The following HOMER1 variants were observed in gnomAD, a reference collection of about 807,000 sequenced individuals.
HOMER1 encodes the protein homer protein homolog 1.
A neutral mutation model predicts 48.9 loss-of-function variants in HOMER1; 3 were observed. The observed-to-expected ratio is 0.06, with a 90% confidence interval of 0.03 to 0.16. The LOEUF (loss-of-function observed/expected upper bound fraction) is 0.16. Ranked by LOEUF, HOMER1 falls within the 10% of genes least tolerant of loss-of-function variation. The probability of loss-of-function intolerance (pLI) is 1.00; values close to 1 mark genes in which losing one functional copy is unlikely to be tolerated. For synonymous variants in HOMER1, 134 were observed against 146.4 expected, an observed-to-expected ratio of 0.92 and a Z score of 0.61; for missense variants, 247 against 411.4, an observed-to-expected ratio of 0.60 and a Z score of 3.46.
Position 79,451,119 on chromosome 5 carries a change from T to C in HOMER1, c.165A>G (p.Ala55=). The C allele has an allele frequency of 6.2e-7, 1 of 1,609,976 alleles. No homozygotes were observed. The highest frequency in any genetic ancestry group is 8.5e-7 in the Non-Finnish European group (1 of 1,177,084). Residue 55 remains alanine (A), a splice_region_variant and synonymous_variant, in exon 3 of 9, where the codon GCA becomes GCG. Transcript: ENST00000334082. ...YRIISLDGSK[A]IINSTITPNM... is the part of the protein sequence containing the mutation. ...TTGGGGTGATGGTACTATTTATTAT[T>C]GCCTAAAAAATAAAGCAAGTATGAG...
chr5:79,388,114 G>GA (rs577690693), intron 8 of HOMER1, among the ~76,000 whole-genome samples: 1 of 151,556 alleles, frequency 6.6e-6, no homozygotes, highest in African/African-American at 2.4e-5. Flanking sequence ...CCAGAATACT[G>GA]AAAAAAAAGT....
intron 1 of HOMER1, among the ~76,000 whole-genome samples, chr5:79,467,718 T>C (rs1419963129): frequency 1.3e-5 from 2 of 152,234 alleles, no homozygotes; most frequent in Non-Finnish European, 2.9e-5. Context: ...AGCACTTCTC[T>C]AGTTCTTATT....
chr5:79,456,951 C>T lies in HOMER1; in HGVS notation c.73G>A (p.Val25Ile). The T allele has an allele frequency of 6.2e-7, 1 of 1,613,752 alleles. No homozygotes were observed. The highest frequency in any genetic ancestry group is 8.5e-7 in the Non-Finnish European group (1 of 1,179,752). ...QIDPNTKKNWVPTSKHAVTVS... is the reference protein window; with the variant it reads ...QIDPNTKKNWIPTSKHAVTVS... ...GTAACTGCATGCTTGCTGGTGGGTA[C>T]CCAGTTCTTCTTTGTGTTTGGGTCA... The change falls in exon 2 of 9, where the codon GTA (valine) becomes ATA (isoleucine). Residue 25 changes from valine to isoleucine, a missense_variant. Transcript: ENST00000334082.
chr5:79,492,602 G>T (rs905592439), intron 1 of HOMER1, among the ~76,000 whole-genome samples: 3 of 152,140 alleles, frequency 2.0e-5, no homozygotes, highest in African/African-American at 7.2e-5. Context: ...CAGGAAATGG[G>T]AATATAAATA....
At chr5:79,417,099 G>C (rs757508405) in intron 5 of HOMER1, among the ~76,000 whole-genome samples, 30 of 151,604 alleles carry the variant, frequency 2.0e-4, no homozygotes, top group Non-Finnish European at 3.4e-4. Flanking sequence ...ATTCACAAAA[G>C]TCAGTATTTT....
At chr5:79,379,095 T>TGG (rs1748859880) in intron 8 of HOMER1, among the ~76,000 whole-genome samples, 1 of 57,466 alleles carries the variant, frequency 1.7e-5, no homozygotes, top group South Asian at 4.3e-4. Context: ...TATATATATA[T>TGG]ATATATATAT....
At chr5:79,502,709 T>A (rs1318550657) in intron 1 of HOMER1, among the ~76,000 whole-genome samples, 1 of 152,254 alleles carries the variant, frequency 6.6e-6, no homozygotes. Context: ...GATTTTACAC[T>A]GACTACTCAG....
chr5:79,436,842 C>T (rs867261388), intron 5 of HOMER1, among the ~76,000 whole-genome samples: 1 of 152,130 alleles, frequency 6.6e-6, no homozygotes, highest in South Asian at 2.1e-4. Context: ...CTGATTAATA[C>T]TGATTAATGT....
intron 4 of HOMER1, among the ~76,000 whole-genome samples, chr5:79,441,554 A>C (rs1580453554): frequency 1.3e-5 from 2 of 152,212 alleles, no homozygotes; most frequent in Non-Finnish European, 2.9e-5. Flanking sequence ...AATATTAGCT[A>C]TATTTAAGTA....
intron 8 of HOMER1, among the ~76,000 whole-genome samples, chr5:79,379,079 C>CATATATATATATAT (rs3082000): frequency 4.2e-4 from 23 of 55,204 alleles, no homozygotes; most frequent in South Asian, 2.1e-3. Context: ...ACCTTTTGTC[C>CATATATATATATAT]ATATATATAT....
intron 1 of HOMER1, among the ~76,000 whole-genome samples, chr5:79,475,428 C>CT (rs370912747): frequency 0.26 from 32,567 of 127,034 alleles, 4,464 homozygotes; most frequent in South Asian, 0.46. Flanking sequence ...AATTCTTAGA[C>CT]TTTTTTTTTT....
At chr5:79,450,901 A>G in intron 3 of HOMER1, 89 bp downstream of exon 3, 3 of 1,237,704 alleles carry the variant, frequency 2.4e-6, no homozygotes, top group Non-Finnish European at 2.2e-6. Flanking sequence ...AATTTCTCCT[A>G]TATTTTATAC....
At chr5:79,483,975 G>A (rs1752021896) in intron 1 of HOMER1, among the ~76,000 whole-genome samples, 1 of 148,752 alleles carries the variant, frequency 6.7e-6, no homozygotes, top group Non-Finnish European at 1.5e-5. Flanking sequence ...GAACCTGGGA[G>A]GCAGAGGTTG....
At chr5:79,379,157 AAT>A (rs1170536673) in intron 8 of HOMER1, among the ~76,000 whole-genome samples, 27 of 102,008 alleles carry the variant, frequency 2.6e-4, no homozygotes, top group Non-Finnish European at 4.0e-4. Flanking sequence ...TATTTATATA[AAT>A]ATATTTATAT....
intron 8 of HOMER1, among the ~76,000 whole-genome samples, chr5:79,379,113 T>TATAA (rs1554056111): frequency 9.1e-5 from 8 of 87,738 alleles, no homozygotes; most frequent in Admixed American, 2.9e-4. Flanking sequence ...TATATATATA[T>TATAA]AAAATATATA....
intron 1 of HOMER1, among the ~76,000 whole-genome samples, chr5:79,482,728 T>A (rs1245805368): frequency 1.3e-5 from 2 of 152,154 alleles, no homozygotes; most frequent in South Asian, 2.1e-4. Flanking sequence ...GGCCAGGTGG[T>A]AGCTCATACC....
intron 1 of HOMER1, among the ~76,000 whole-genome samples, chr5:79,492,292 C>T (rs1005202980): frequency 1.3e-5 from 2 of 152,066 alleles, no homozygotes; most frequent in African/African-American, 4.8e-5. Flanking sequence ...TACAGGGGTA[C>T]AGTTACTTTG....
chr5:79,459,336 T>A (rs1256222661), intron 1 of HOMER1, among the ~76,000 whole-genome samples: 1 of 152,222 alleles, frequency 6.6e-6, no homozygotes, highest in Non-Finnish European at 1.5e-5. Context: ...TATTGAGTCA[T>A]ACATTTAATT....
intron 1 of HOMER1, among the ~76,000 whole-genome samples, chr5:79,511,563 T>A (rs958947995): frequency 2.6e-5 from 4 of 152,218 alleles, no homozygotes; most frequent in Non-Finnish European, 4.4e-5. Flanking sequence ...AGAAATAGAA[T>A]GAGGTATTTT....
Sources: gnomAD v4.1 joint callset for allele counts (sites outside exome capture counted in the v4.1 genomes callset) on GRCh38, gnomAD v4.1.1 for gene constraint, MANE v1.5 for transcripts, NCBI Gene and HGNC (gene_info 2026-07-23, HGNC 2026-07-21) for gene names.